PHF14: variants seen among roughly 807,000 people sequenced by gnomAD.
PHF14 encodes the protein PHD finger protein 14.
PHF14 carries 55 observed loss-of-function variants against 117.9 expected under a neutral mutation model. The ratio of observed to expected loss-of-function variants is 0.47; its 90% CI spans 0.38 to 0.58. PHF14 has a LOEUF of 0.58. Among genes scored for constraint, PHF14 ranks in the 20% least tolerant of loss-of-function variants. PHF14 has a pLI of 0.00. For missense variants in PHF14, 978 were observed against 1,122.2 expected (o/e 0.87, Z 1.84); for synonymous variants, 409 against 368.6 (o/e 1.11, Z -1.26).
intron 17 of PHF14, among the ~76,000 whole-genome samples, chr7:11,135,829 G>C (rs998258570): frequency 1.3e-5 from 2 of 152,128 alleles, no homozygotes; most frequent in East Asian, 1.9e-4. Flanking sequence ...TATACGGAAG[G>C]CTTTTTAATT....
intron 16 of PHF14, chr7:11,102,676 G>A (rs983653282): frequency 8.1e-6 from 12 of 1,474,974 alleles, no homozygotes; most frequent in South Asian, 1.4e-5. Context: ...GTCAGGTTTG[G>A]ATAGAATATA....
rs146442445 is a variant in PHF14, at chr7:11,110,317, G to T, written c.2655-1033G>T. On this transcript the variant is annotated intron_variant, in intron 16 of 17. Transcript: ENST00000634607. ...CATTTGAAGTTTTAAATCAGTGAAA[G>T]ATAAACAATAAAGAAAATCTGACAG... The T allele has an allele frequency of 4.7e-3, 718 of 152,476 alleles. 2 individuals carry two copies. The highest frequency in any genetic ancestry group is 7.8e-3 in the Non-Finnish European group (534 of 68,320). 9.4% of individuals were successfully genotyped at this position (152,476 alleles called of 1,614,324 possible).
At chr7:10,988,407 A>G (rs1348380306) in intron 3 of PHF14, among the ~76,000 whole-genome samples, 1 of 152,142 alleles carries the variant, frequency 6.6e-6, no homozygotes, top group Non-Finnish European at 1.5e-5. Context: ...TGTTTCCCAT[A>G]TGGGTAAACC....
chr7:11,099,155 C>T (rs917916764), intron 16 of PHF14, among the ~76,000 whole-genome samples: 2 of 151,998 alleles, frequency 1.3e-5, no homozygotes, highest in African/African-American at 4.8e-5. Flanking sequence ...AAAATGTTTA[C>T]TTGGTATATT....
chr7:11,058,420 C>T (rs1451682319), intron 14 of PHF14, among the ~76,000 whole-genome samples: 1 of 152,042 alleles, frequency 6.6e-6, no homozygotes, highest in African/African-American at 2.4e-5. Context: ...AATCCCATAG[C>T]TTTCAACATT....
intron 13 of PHF14, among the ~76,000 whole-genome samples, chr7:11,045,589 C>A (rs1562437690): frequency 6.6e-6 from 1 of 152,082 alleles, no homozygotes; most frequent in Non-Finnish European, 1.5e-5. Context: ...CTTCCAGTAC[C>A]AGCACTGTTT....
chr7:11,072,972 A>G (rs1401948041), intron 16 of PHF14, among the ~76,000 whole-genome samples: 1 of 152,208 alleles, frequency 6.6e-6, no homozygotes, highest in Admixed American at 6.5e-5. Context: ...AGCATTCATG[A>G]GGGATCTGCC....
chr7:11,095,283 G>T (rs977919477), intron 16 of PHF14, among the ~76,000 whole-genome samples: 2 of 152,260 alleles, frequency 1.3e-5, no homozygotes, highest in East Asian at 3.9e-4. Flanking sequence ...GAAAACTGAG[G>T]CAAGTGGAGA....
intron 14 of PHF14, among the ~76,000 whole-genome samples, chr7:11,053,216 T>G (rs958703182): frequency 6.6e-6 from 1 of 152,138 alleles, no homozygotes; most frequent in South Asian, 2.1e-4. Context: ...CCTCCTATAT[T>G]ATAATCACTT....
chr7:11,137,700 C>G (rs1788265889), intron 17 of PHF14, among the ~76,000 whole-genome samples: 2 of 150,636 alleles, frequency 1.3e-5, no homozygotes, highest in African/African-American at 2.5e-5. Flanking sequence ...ATTCTCCTAC[C>G]TCAGCCTCCC....
intron 2 of PHF14, among the ~76,000 whole-genome samples, chr7:10,978,364 T>C (rs749453420): frequency 5.9e-5 from 9 of 152,218 alleles, no homozygotes; most frequent in Non-Finnish European, 1.0e-4. Context: ...TTCAAGTCTT[T>C]AATAGGAAAT....
In PHF14 at chr7:11,103,016, T is replaced by A. The variant is rs2128341727; in HGVS notation, c.2655-8334T>A. 5.0e-6 allele frequency: 5 copies of A among 992,072 alleles called. No individual in the cohort carries two copies. In the Middle Eastern group the frequency reaches 2.1e-3, roughly 410 times the overall value. 61.5% of individuals were successfully genotyped at this position (992,072 alleles called of 1,614,324 possible). A position where few individuals can be genotyped will look rare whatever the true frequency, so the allele number is the denominator to read the frequency against. ...AGAAAGACAATGCATTCCATTAGTC[T>A]GCTATTCTGTTTCCTTCAACTTCAT... On this transcript the variant is annotated intron_variant, in intron 16 of 17. Coordinates refer to ENST00000634607, the MANE Select transcript of PHF14 (RefSeq NM_001007157.2).
Position 10,975,052 on chromosome 7 carries a change from C to A in PHF14, c.112+107C>A, listed in dbSNP as rs904253433. On this transcript the variant is annotated intron_variant, in intron 2 of 17. Transcript: ENST00000634607. ...AAAATGCCAATTTTAAGTGAAAGCA[C>A]GTAAACTTCATTTATTTTGTCCATT... 5.2e-5 allele frequency: 35 copies of A among 678,856 alleles called. No homozygotes were observed. The highest frequency in any genetic ancestry group is 4.9e-5 in the Non-Finnish European group (19 of 386,798). The allele number at this position is 678,856 out of a possible 1,614,324, so 42.1% of individuals were successfully genotyped here.
chr7:11,053,580 A>G (rs1784917338), intron 14 of PHF14, among the ~76,000 whole-genome samples: 1 of 152,070 alleles, frequency 6.6e-6, no homozygotes, highest in Admixed American at 6.6e-5. Flanking sequence ...TCTGTCTACA[A>G]AGATTATCCT....
At position 11,030,120 on chromosome 7, in the gene PHF14, G is replaced by T. The variant is rs551535337; in HGVS notation, c.1455+1302G>T. 1.2e-4 allele frequency among the ~76,000 whole-genome samples: 18 copies of T among 150,190 alleles called. 1 individual carries two copies. The East Asian group carries it at 3.5e-3, about 29-fold the overall frequency. ...TGATTTTAAGGAATTGTACTTTGAT[G>T]AAGGCTACTAGATGAACAGTGAGCA... On this transcript the variant is annotated intron_variant, in intron 7 of 17. Coordinates refer to ENST00000634607, the MANE Select transcript of PHF14 (RefSeq NM_001007157.2).
intron 2 of PHF14, 48 bp from the exon 3 acceptor site, chr7:10,982,324 G>T: frequency 8.3e-7 from 1 of 1,201,234 alleles, no homozygotes; most frequent in Non-Finnish European, 1.2e-6. Context: ...GTGTGTGTGT[G>T]TATGTATATA....
intron 17 of PHF14, among the ~76,000 whole-genome samples, chr7:11,150,262 T>C (rs1788667856): frequency 6.6e-6 from 1 of 152,172 alleles, no homozygotes; most frequent in African/African-American, 2.4e-5. Context: ...TTATTGTTAC[T>C]GGTTATAGTT....
In PHF14 at chr7:11,144,958, G is replaced by A. The variant is rs1583499765; in HGVS notation, c.2773-24458G>A. On this transcript the variant is annotated intron_variant, in intron 17 of 17. Transcript: ENST00000634607. ...AGGAGGTAAGGAAAGGAGAGAATGA[G>A]GTATTTTGTGTGGTATAAACGGGAA... Among the ~76,000 whole-genome samples the A allele has an allele frequency of 2.6e-5, 4 of 152,000 alleles. No individual in the cohort carries two copies. In the South Asian group the frequency reaches 8.3e-4, roughly 32 times the overall value.
chr7:11,092,765 A>G (rs1008005980), intron 16 of PHF14, among the ~76,000 whole-genome samples: 25 of 152,080 alleles, frequency 1.6e-4, no homozygotes, highest in African/African-American at 6.0e-4. Flanking sequence ...GCTGAACCTG[A>G]TCATTGACTC....
Sources: gnomAD v4.1 joint callset for allele counts (sites outside exome capture counted in the v4.1 genomes callset) on GRCh38, gnomAD v4.1.1 for gene constraint, MANE v1.5 for transcripts, NCBI Gene and HGNC (gene_info 2026-07-23, HGNC 2026-07-21) for gene names.